NLRC5: variants seen among roughly 807,000 people sequenced by gnomAD.
NLRC5 encodes the protein protein NLRC5.
In NLRC5, 114 loss-of-function variants were observed where a neutral mutation model predicts 206.9. That is an observed-to-expected ratio of 0.55 (90% CI 0.47 to 0.64). The LOEUF (loss-of-function observed/expected upper bound fraction) is 0.64. Among genes scored for constraint, NLRC5 ranks in the 30% least tolerant of loss-of-function variants. The pLI, the probability that NLRC5 is intolerant of heterozygous loss-of-function variation, is 0.00. For synonymous variants in NLRC5, 952 were observed against 962.8 expected (o/e 0.99, Z 0.21); for missense variants, 2,008 against 2,305.5 (o/e 0.87, Z 2.64).
chr16:57,079,799 C>T (rs2068900810), intron 46 of NLRC5, among the ~76,000 whole-genome samples, 170 bp downstream of exon 46: 1 of 152,216 alleles, frequency 6.6e-6, no homozygotes, highest in Non-Finnish European at 1.5e-5. Flanking sequence ...CTCTCAAAGA[C>T]ATTTTAACAC....
intron 27 of NLRC5, 48 bp from the exon 28 acceptor site, chr16:57,058,017 G>T (rs1482920722): frequency 6.8e-7 from 1 of 1,479,106 alleles, no homozygotes. Context: ...AGCATCTCAG[G>T]CTGAGGAGGC....
intron 17 of NLRC5, among the ~76,000 whole-genome samples, chr16:57,040,971 C>T (rs1418304539): frequency 6.6e-6 from 1 of 152,046 alleles, no homozygotes; most frequent in Non-Finnish European, 1.5e-5. Context: ...AGCTCCCTGA[C>T]CCCCAGCAGC....
chr16:57,040,226 G>A (rs777263386), intron 16 of NLRC5, among the ~76,000 whole-genome samples: 20 of 152,296 alleles, frequency 1.3e-4, no homozygotes, highest in Middle Eastern at 3.4e-3. Flanking sequence ...GGACCCATTA[G>A]GGTCCTGGAT....
At chr16:57,016,624 A>G (rs144970875) in intron 1 of NLRC5, among the ~76,000 whole-genome samples, 5 of 152,322 alleles carry the variant, frequency 3.3e-5, no homozygotes, top group Admixed American at 3.3e-4. Flanking sequence ...TCAATTGTTT[A>G]AAAAACTAAC....
At position 57,043,502 on chromosome 16, in the gene NLRC5, C is replaced by A. The variant is rs1474651260; in HGVS notation, c.3114-13C>A. 6.2e-7 allele frequency: 1 copy of A among 1,612,302 alleles called. No homozygotes were observed. Among genetic ancestry groups the A allele is most frequent in the Admixed American group, 1.7e-5 (1 of 60,020 alleles). On this transcript the variant is annotated splice_polypyrimidine_tract_variant and intron_variant, in intron 19 of 48. Transcript: ENST00000688547. ...CTGAGTGACCTCCATTGTGCCACCC[C>A]TGTGATCTCCAGCCTCAGTGAGAAC...
intron 2 of NLRC5, among the ~76,000 whole-genome samples, chr16:57,018,203 T>A (rs558192740): frequency 6.6e-6 from 1 of 152,316 alleles, no homozygotes; most frequent in African/African-American, 2.4e-5. Flanking sequence ...CACCATAGCC[T>A]GGAAAAGAAG....
chr16:57,067,355 T>C, intron 34 of NLRC5, 32 bp from the exon 35 acceptor site: 4 of 1,593,114 alleles, frequency 2.5e-6, no homozygotes, highest in Non-Finnish European at 3.4e-6. Context: ...GACTAGATGT[T>C]CCAAAACTGT....
At chr16:57,041,356 C>A (rs915085854) in intron 17 of NLRC5, 129 bp from the exon 18 acceptor site, 7 of 690,894 alleles carry the variant, frequency 1.0e-5, no homozygotes, top group Non-Finnish European at 1.5e-5. Context: ...GTCTAGGTGC[C>A]AGATACATCC....
At chr16:57,002,208 C>T (rs1387012577) in intron 1 of NLRC5, among the ~76,000 whole-genome samples, 1 of 152,134 alleles carries the variant, frequency 6.6e-6, no homozygotes, top group Non-Finnish European at 1.5e-5. Context: ...AGTGCAGTGG[C>T]ACGATCTTGG....
intron 38 of NLRC5, among the ~76,000 whole-genome samples, chr16:57,071,898 C>T (rs2067848204): frequency 6.6e-6 from 1 of 151,924 alleles, no homozygotes; most frequent in Admixed American, 6.6e-5. Context: ...GCCTAGGAAC[C>T]TTTGCATGTT....
At chr16:57,053,984 G>A (rs1262177541) in intron 24 of NLRC5, among the ~76,000 whole-genome samples, 1 of 152,092 alleles carries the variant, frequency 6.6e-6, no homozygotes, top group Non-Finnish European at 1.5e-5. Context: ...GTAGACTCAG[G>A]GTGGATCTTG....
At chr16:57,033,974 C>G (rs2062188891) in intron 12 of NLRC5, among the ~76,000 whole-genome samples, 194 bp from the exon 13 acceptor site, 1 of 152,156 alleles carries the variant, frequency 6.6e-6, no homozygotes, top group South Asian at 2.1e-4. Flanking sequence ...ATTATTATTC[C>G]CCTTTGAGGG....
At chr16:57,073,886 G>A (rs747177369) in intron 38 of NLRC5, among the ~76,000 whole-genome samples, 15 of 152,316 alleles carry the variant, frequency 9.8e-5, no homozygotes, top group Middle Eastern at 3.4e-3. Flanking sequence ...GAGCCATTGC[G>A]CCCAGCCAGT....
At chr16:57,005,519 G>GA (rs1567512932) in intron 1 of NLRC5, among the ~76,000 whole-genome samples, 2 of 150,144 alleles carry the variant, frequency 1.3e-5, no homozygotes, top group East Asian at 3.9e-4. Flanking sequence ...AAAAGAGAAA[G>GA]AAAAAAAGTG....
chr16:57,061,990 T>C (rs1220243583), intron 32 of NLRC5: 5 of 1,469,320 alleles, frequency 3.4e-6, no homozygotes, highest in African/African-American at 1.4e-5. Flanking sequence ...AAAAATAAAC[T>C]GAAACGAAGT....
intron 27 of NLRC5, among the ~76,000 whole-genome samples, chr16:57,056,573 G>T (rs1329941876): frequency 6.6e-6 from 1 of 151,876 alleles, no homozygotes; most frequent in Non-Finnish European, 1.5e-5. Flanking sequence ...ATGAGCCGCT[G>T]TGCTTGGAAT....
chr16:56,993,110 CGT>C (rs2057120251), intron 1 of NLRC5, among the ~76,000 whole-genome samples: 1 of 142,618 alleles, frequency 7.0e-6, no homozygotes, highest in South Asian at 2.3e-4. Flanking sequence ...TATATATACA[CGT>C]ATATATGTGT....
chr16:56,990,451 T>C (rs1465014331), intron 1 of NLRC5, among the ~76,000 whole-genome samples: 4 of 152,256 alleles, frequency 2.6e-5, no homozygotes, highest in Non-Finnish European at 5.9e-5. Flanking sequence ...GGTGTTGTTT[T>C]GTTACTTGCT....
chr16:57,070,596 A>T lies in NLRC5; in HGVS notation c.4645A>T (p.Lys1549Ter), dbSNP rs1196203501. ...TKALMRALEG[K>*]WMLKRLDLSH... is the part of the protein sequence containing the mutation. The stretch of plus-strand genomic sequence containing the variant: ...GGCGCTGATGAGGGCCCTTGAGGGG[A>T]AATGGATGCTAAAGAGGCTGGAGTA... The change falls in exon 38 of 49, where the codon AAA becomes TAA. Residue 1549 changes from lysine to a stop codon, truncating the protein, a stop_gained. Transcript: ENST00000688547. LOFTEE classifies it high-confidence loss of function. The T allele has an allele frequency of 5.6e-6, 9 of 1,613,918 alleles. No individual in the cohort carries two copies. Among genetic ancestry groups the T allele is most frequent in the Non-Finnish European group, 7.6e-6 (9 of 1,179,982 alleles).
Sources: gnomAD v4.1 joint callset for allele counts (sites outside exome capture counted in the v4.1 genomes callset) on GRCh38, gnomAD v4.1.1 for gene constraint, MANE v1.5 for transcripts, NCBI Gene and HGNC (gene_info 2026-07-23, HGNC 2026-07-21) for gene names.